KIRREL3: variants seen among roughly 807,000 people sequenced by gnomAD.
KIRREL3 encodes kirre like nephrin family adhesion molecule 3.
Under a neutral mutation model 89.7 loss-of-function variants are expected in KIRREL3, and 36 were observed. The observed-to-expected ratio is 0.40, with a 90% CI of 0.31 to 0.53. The LOEUF (loss-of-function observed/expected upper bound fraction) is 0.53. Ranked by LOEUF, KIRREL3 falls within the 20% of genes least tolerant of loss-of-function variation. KIRREL3 has a pLI of 0.49. For synonymous variants in KIRREL3, 445 were observed against 441.4 expected (o/e 1.01, Z -0.10); for missense variants, 864 against 1,056.6 (o/e 0.82, Z 2.53).
At position 126,569,911 on chromosome 11, in the gene KIRREL3, T is replaced by G. The variant is rs1391178125; in HGVS notation, c.56-6999A>C. Among the ~76,000 whole-genome samples the G allele has an allele frequency of 6.6e-6, 1 of 152,126 alleles. No homozygotes were observed. The highest frequency in any genetic ancestry group is 2.4e-5 in the African/African-American group (1 of 41,424). Reference sequence around the variant, plus strand: ...TGATGGGGTCTTCTGTTTGGAAAGTTTTCACTTTGATTCTGCTAAACTGCT... The same window carrying G: ...TGATGGGGTCTTCTGTTTGGAAAGTGTTCACTTTGATTCTGCTAAACTGCT... On this transcript the variant is annotated intron_variant, in intron 1 of 16. Transcript: ENST00000525144. This position sits in a 1 kb window ranked among gnomAD's most constrained non-coding sequence, Gnocchi z 6.5.
rs946314268 is a variant in KIRREL3 at position 126,555,559 on chromosome 11, C to T, written c.133+7276G>A. Among the ~76,000 whole-genome samples, 3 of 151,846 alleles carry T rather than the reference C, an allele frequency of 2.0e-5. No individual in the cohort carries two copies. Among genetic ancestry groups the T allele is most frequent in the African/African-American group, 4.8e-5 (2 of 41,368 alleles). On this transcript the variant is annotated intron_variant, in intron 2 of 16. Transcript: ENST00000525144. The surrounding 1 kb of genome is among the most constrained non-coding windows in gnomAD (Gnocchi z 4.2). Reference sequence around the variant, plus strand: ...GTGAAGGGTTTGGGGATGGGGTGAGCGTGGCAAGCAGGGTAGACACAGGGA... The same window carrying T: ...GTGAAGGGTTTGGGGATGGGGTGAGTGTGGCAAGCAGGGTAGACACAGGGA...
Position 126,740,851 on chromosome 11 carries a change from G to A in KIRREL3, c.56-177939C>T, listed in dbSNP as rs1948957534. Among the ~76,000 whole-genome samples the A allele has an allele frequency of 6.6e-6, 1 of 152,166 alleles. No homozygotes were observed. The highest frequency in any genetic ancestry group is 1.5e-5 in the Non-Finnish European group (1 of 68,032). ...CATTAAAATGAGGTCGTGCTTCTTGGAAAAAGCCACTCACTGAGAAAGAAG... is the reference window on the plus strand; with the variant it reads ...CATTAAAATGAGGTCGTGCTTCTTGAAAAAAGCCACTCACTGAGAAAGAAG... On this transcript the variant is annotated intron_variant, in intron 1 of 16. Transcript: ENST00000525144. This position sits in a 1 kb window ranked among gnomAD's most constrained non-coding sequence, Gnocchi z 6.0.
chr11:126,873,117 A>G (rs1565372213), intron 1 of KIRREL3, among the ~76,000 whole-genome samples: 1 of 152,218 alleles, frequency 6.6e-6, no homozygotes, highest in Admixed American at 6.5e-5. Flanking sequence ...GTAATATATC[A>G]TGGAATAGTG....
chr11:126,629,945 C>T (rs1335077534), intron 1 of KIRREL3, among the ~76,000 whole-genome samples: 1 of 152,216 alleles, frequency 6.6e-6, no homozygotes, highest in Non-Finnish European at 1.5e-5. Flanking sequence ...TTATTAAACT[C>T]TCCAGATTCC....
intron 9 of KIRREL3, 91 bp downstream of exon 9, chr11:126,446,668 A>G (rs1955827401): frequency 8.0e-6 from 11 of 1,371,960 alleles, no homozygotes; most frequent in Non-Finnish European, 1.1e-5. Flanking sequence ...CCCCAGTCTA[A>G]TAGTGAGAGG....
chr11:126,841,479 G>A (rs1439546036), intron 1 of KIRREL3, among the ~76,000 whole-genome samples: 2 of 152,202 alleles, frequency 1.3e-5, no homozygotes, highest in Admixed American at 6.5e-5. Context: ...CTCCTGTGGT[G>A]TCTGAGCTTA....
chr11:126,955,444 G>T lies in KIRREL3; in HGVS notation c.55+45011C>A, dbSNP rs1050037486. ...GAAAGTGCTTTGGAAGAAATGCCCT[G>T]GCCGCCCATGGGCCGGGATCTTCCT... On this transcript the variant is annotated intron_variant, in intron 1 of 16. Coordinates refer to ENST00000525144, the MANE Select transcript of KIRREL3 (RefSeq NM_032531.4). The surrounding 1 kb of genome is among the most constrained non-coding windows in gnomAD (Gnocchi z 4.6). Among the ~76,000 whole-genome samples the T allele has an allele frequency of 4.6e-5, 7 of 152,186 alleles. No individual in the cohort carries two copies. The highest frequency in any genetic ancestry group is 1.7e-4 in the African/African-American group (7 of 41,452).
In KIRREL3 at chr11:126,568,913, G is replaced by T. The variant is rs532609354; in HGVS notation, c.56-6001C>A. 1.3e-5 allele frequency among the ~76,000 whole-genome samples: 2 copies of T among 152,042 alleles called. No homozygotes were observed. Among genetic ancestry groups the T allele is most frequent in the African/African-American group, 4.8e-5 (2 of 41,404 alleles). On this transcript the variant is annotated intron_variant, in intron 1 of 16. Transcript: ENST00000525144. The surrounding 1 kb of genome is among the most constrained non-coding windows in gnomAD (Gnocchi z 4.6). ...CCAGGGTGATATAATGAGCTATTAG[G>T]TTGCATACTTCCCAGGTTAGCACGT...
Position 126,766,752 on chromosome 11 carries a change from T to C in KIRREL3, c.56-203840A>G, listed in dbSNP as rs1949837286. Among the ~76,000 whole-genome samples the C allele has an allele frequency of 1.3e-5, 2 of 152,244 alleles. No individual in the cohort carries two copies. Among genetic ancestry groups the C allele is most frequent in the South Asian group, 4.1e-4 (2 of 4,826 alleles). Reference sequence around the variant, plus strand: ...GGGAGGCGGGTGTTGTAAAACTTAATGATCATCTTTCTGACTGGGGATCAT... The same window carrying C: ...GGGAGGCGGGTGTTGTAAAACTTAACGATCATCTTTCTGACTGGGGATCAT... On this transcript the variant is annotated intron_variant, in intron 1 of 16. Coordinates refer to ENST00000525144, the MANE Select transcript of KIRREL3 (RefSeq NM_032531.4). This position sits in a 1 kb window ranked among gnomAD's most constrained non-coding sequence, Gnocchi z 4.2.
At chr11:126,862,936 C>A (rs902845985) in intron 1 of KIRREL3, among the ~76,000 whole-genome samples, 1 of 152,200 alleles carries the variant, frequency 6.6e-6, no homozygotes, top group Non-Finnish European at 1.5e-5. Flanking sequence ...CACAGAGAGC[C>A]CAAGCATCAC....
chr11:126,571,347 G>A lies in KIRREL3; in HGVS notation c.56-8435C>T, dbSNP rs1423395750. Among the ~76,000 whole-genome samples, 1 of 152,134 alleles carries A rather than the reference G, an allele frequency of 6.6e-6. No homozygotes were observed. Among genetic ancestry groups the A allele is most frequent in the African/African-American group, 2.4e-5 (1 of 41,438 alleles). ...CTTGGCCATCAACATGGGACCCAAG[G>A]TTGGCAGAGCTCACCCCACTCCTCT... is the stretch of plus-strand genomic sequence containing the variant. On this transcript the variant is annotated intron_variant, in intron 1 of 16. Coordinates refer to ENST00000525144, the MANE Select transcript of KIRREL3 (RefSeq NM_032531.4). This position sits in a 1 kb window ranked among gnomAD's most constrained non-coding sequence, Gnocchi z 7.7.
At chr11:126,539,920 T>C (rs1938218564) in intron 2 of KIRREL3, among the ~76,000 whole-genome samples, 1 of 152,208 alleles carries the variant, frequency 6.6e-6, no homozygotes, top group Non-Finnish European at 1.5e-5. Context: ...GTTGTGACTA[T>C]CTAAGAGGGA....
chr11:126,843,676 G>A lies in KIRREL3; in HGVS notation c.55+156779C>T, dbSNP rs1944039176. Among the ~76,000 whole-genome samples the A allele has an allele frequency of 6.6e-6, 1 of 152,164 alleles. No individual in the cohort carries two copies. The highest frequency in any genetic ancestry group is 6.5e-5 in the Admixed American group (1 of 15,280). Reference sequence around the variant, plus strand: ...ATTTAGCCTTAAAATAATTTTCCCAGTAAGTTAATCACAGAATGAGATAGG... The same window carrying A: ...ATTTAGCCTTAAAATAATTTTCCCAATAAGTTAATCACAGAATGAGATAGG... On this transcript the variant is annotated intron_variant, in intron 1 of 16. Transcript: ENST00000525144. This position sits in a 1 kb window ranked among gnomAD's most constrained non-coding sequence, Gnocchi z 4.6.
chr11:126,579,098 T>C lies in KIRREL3; in HGVS notation c.56-16186A>G, dbSNP rs994651339. 6.6e-6 allele frequency among the ~76,000 whole-genome samples: 1 copy of C among 151,444 alleles called. No homozygotes were observed. The highest frequency in any genetic ancestry group is 1.5e-5 in the Non-Finnish European group (1 of 67,884). Reference sequence around the variant, plus strand: ...GAGAAGCCATGGCCAAGAAAGGTCTTTGCACCAGAGCTCACCAATGTCTCG... The same window carrying C: ...GAGAAGCCATGGCCAAGAAAGGTCTCTGCACCAGAGCTCACCAATGTCTCG... On this transcript the variant is annotated intron_variant, in intron 1 of 16. Coordinates refer to ENST00000525144, the MANE Select transcript of KIRREL3 (RefSeq NM_032531.4). The surrounding 1 kb of genome is among the most constrained non-coding windows in gnomAD (Gnocchi z 5.3).
chr11:126,930,583 G>A (rs924662734), intron 1 of KIRREL3, among the ~76,000 whole-genome samples: 2 of 152,140 alleles, frequency 1.3e-5, no homozygotes, highest in Admixed American at 6.5e-5. Context: ...GCCCTTCCCT[G>A]CCATGTCTGT....
In KIRREL3 at chr11:126,501,664, G is replaced by T. The variant is rs1239887531; in HGVS notation, c.433+19651C>A. 6.6e-6 allele frequency among the ~76,000 whole-genome samples: 1 copy of T among 152,136 alleles called. No homozygotes were observed. Among genetic ancestry groups the T allele is most frequent in the Non-Finnish European group, 1.5e-5 (1 of 68,036 alleles). On this transcript the variant is annotated intron_variant, in intron 4 of 16. Coordinates refer to ENST00000525144, the MANE Select transcript of KIRREL3 (RefSeq NM_032531.4). This position sits in a 1 kb window ranked among gnomAD's most constrained non-coding sequence, Gnocchi z 5.8. The stretch of plus-strand genomic sequence containing the variant: ...TCATCTATGACAAATCAATTAATTT[G>T]TCCAAATTCCACTCATGCTTTCAAA...
intron 2 of KIRREL3, among the ~76,000 whole-genome samples, chr11:126,536,124 C>A (rs1219760697): frequency 3.3e-5 from 5 of 152,068 alleles, no homozygotes; most frequent in Non-Finnish European, 7.4e-5. Context: ...AAAAAAAGAT[C>A]TTGGTTGAAT....
chr11:126,513,680 C>G lies in KIRREL3; in HGVS notation c.433+7635G>C, dbSNP rs1159399577. On this transcript the variant is annotated intron_variant, in intron 4 of 16. Transcript: ENST00000525144. The surrounding 1 kb of genome is among the most constrained non-coding windows in gnomAD (Gnocchi z 5.9). ...GTGGGTAAAGAGACAGAGGCCATGC[C>G]TGCCCATGGTAACATGCAGATTATG... Among the ~76,000 whole-genome samples the G allele has an allele frequency of 6.6e-6, 1 of 152,136 alleles. No homozygotes were observed. The highest frequency in any genetic ancestry group is 1.5e-5 in the Non-Finnish European group (1 of 68,032).
At chr11:126,975,031 G>A (rs1289568284) in intron 1 of KIRREL3, among the ~76,000 whole-genome samples, 2 of 152,008 alleles carry the variant, frequency 1.3e-5, no homozygotes, top group Non-Finnish European at 2.9e-5. Flanking sequence ...GGCTGGTCTC[G>A]AACTCTGGAG....
Sources: allele counts gnomAD v4.1 joint callset (sites outside exome capture counted in the v4.1 genomes callset), GRCh38; gene constraint gnomAD v4.1.1; non-coding constraint Gnocchi (gnomAD v3.1); transcripts MANE v1.5; gene names NCBI Gene and HGNC (gene_info 2026-07-23, HGNC 2026-07-21).